FBXW7: variants seen among roughly 807,000 people sequenced by gnomAD.
FBXW7 encodes the protein F-box/WD repeat-containing protein 7.
Under a neutral mutation model 86.3 loss-of-function variants are expected in FBXW7, and 11 were observed. The ratio of observed to expected loss-of-function variants is 0.13; its 90% confidence interval spans 0.08 to 0.21. The LOEUF (loss-of-function observed/expected upper bound fraction) is 0.21, where lower values mean the gene tolerates loss of function less well. FBXW7 is among the 10% of genes least tolerant of loss of function. The pLI is 1.00. For synonymous variants in FBXW7, 313 were observed against 297.9 expected, an observed-to-expected ratio of 1.05 and a Z score of -0.52; for missense variants, 488 against 847.4, an observed-to-expected ratio of 0.58 and a Z score of 5.27.
In FBXW7 at chr4:152,329,556, T is replaced by C. The variant is rs141147074; in HGVS notation, c.1236+116A>G. 1.7e-3 allele frequency: 881 copies of C among 518,792 alleles called. 10 individuals carry two copies. Among genetic ancestry groups the C allele is most frequent in the African/African-American group, 0.016 (783 of 50,002 alleles). 32.1% of individuals were successfully genotyped at this position (518,792 alleles called of 1,614,324 possible). On this transcript the variant is annotated intron_variant, in intron 10 of 13. Transcript: ENST00000281708. ...AAGCTAAGTTATGAGCTCTGATATT[T>C]GCTATCCAAATAACTAAGAATCAAA...
chr4:152,321,510 G>A lies in FBXW7; in HGVS notation c.*1371C>T. On this transcript the variant is annotated 3_prime_UTR_variant, in exon 14 of 14. Coordinates refer to ENST00000281708, the MANE Select transcript of FBXW7 (RefSeq NM_001349798.2). Reference sequence around the variant, plus strand: ...TTAAACCACTTTCACAGTTCAGCTTGAGTTGTGGCTCTTGGAGAATGAGGC... The same window carrying A: ...TTAAACCACTTTCACAGTTCAGCTTAAGTTGTGGCTCTTGGAGAATGAGGC... The A allele has an allele frequency of 4.3e-6, 1 of 233,172 alleles. No homozygotes were observed. Among genetic ancestry groups the A allele is most frequent in the Non-Finnish European group, 8.5e-6 (1 of 117,718 alleles). 14.4% of individuals were successfully genotyped at this position (233,172 alleles called of 1,614,324 possible).
chr4:152,448,429 T>G (rs1454180897), intron 2 of FBXW7, among the ~76,000 whole-genome samples: 1 of 152,228 alleles, frequency 6.6e-6, no homozygotes, highest in Non-Finnish European at 1.5e-5. Context: ...ATATTTTTAT[T>G]TGAAATAAAT....
intron 4 of FBXW7, among the ~76,000 whole-genome samples, chr4:152,354,845 C>G (rs1043091555): frequency 1.2e-4 from 19 of 152,042 alleles, no homozygotes; most frequent in African/African-American, 4.6e-4. Flanking sequence ...AAATGATATA[C>G]AAAAAATTCT....
intron 5 of FBXW7, among the ~76,000 whole-genome samples, chr4:152,349,224 T>G (rs1731563437): frequency 1.3e-5 from 2 of 151,936 alleles, no homozygotes; most frequent in South Asian, 4.1e-4. Flanking sequence ...AGAAATGTCA[T>G]AACCATGAAG....
At chr4:152,479,668 C>T (rs1256979737) in intron 2 of FBXW7, among the ~76,000 whole-genome samples, 1 of 152,202 alleles carries the variant, frequency 6.6e-6, no homozygotes, top group East Asian at 1.9e-4. Context: ...AAACATTAGG[C>T]AAGAATACAC....
intron 6 of FBXW7, among the ~76,000 whole-genome samples, chr4:152,345,532 G>C (rs1001494576): frequency 6.6e-6 from 1 of 151,864 alleles, no homozygotes; most frequent in Non-Finnish European, 1.5e-5. Context: ...CTACTTACTA[G>C]ATGCCAGCAG....
intron 2 of FBXW7, among the ~76,000 whole-genome samples, chr4:152,513,376 CT>C (rs1306891214): frequency 6.6e-6 from 1 of 152,058 alleles, no homozygotes; most frequent in African/African-American, 2.4e-5. Flanking sequence ...ATTGTTAACC[CT>C]AATCCAGGGA....
At chr4:152,389,933 A>G (rs1040202486) in intron 4 of FBXW7, among the ~76,000 whole-genome samples, 1 of 152,084 alleles carries the variant, frequency 6.6e-6, no homozygotes, top group African/African-American at 2.4e-5. Context: ...CTTTTACAAA[A>G]GGCATGTATG....
intron 2 of FBXW7, among the ~76,000 whole-genome samples, chr4:152,503,763 T>C (rs1406880840): frequency 6.6e-6 from 1 of 152,242 alleles, no homozygotes; most frequent in Non-Finnish European, 1.5e-5. Flanking sequence ...GCTCCAGCTA[T>C]GTTAGGAATT....
intron 4 of FBXW7, among the ~76,000 whole-genome samples, chr4:152,392,257 C>G (rs1228551316): frequency 1.3e-5 from 2 of 152,056 alleles, no homozygotes; most frequent in African/African-American, 4.8e-5. Flanking sequence ...ACCTTTGTGA[C>G]TGTTTGGACC....
At chr4:152,346,653 C>G (rs1388412695) in intron 6 of FBXW7, among the ~76,000 whole-genome samples, 1 of 152,182 alleles carries the variant, frequency 6.6e-6, no homozygotes, top group African/African-American at 2.4e-5. Context: ...AAAGGACAAT[C>G]TGTACCTACT....
chr4:152,386,179 A>G lies in FBXW7; in HGVS notation c.501+25124T>C, dbSNP rs577120219. ...AAAGATACTCTTTAATTACTACCCA[A>G]ATTGAGACTCTTAAAAACAGACAAG... On this transcript the variant is annotated intron_variant, in intron 4 of 13. Coordinates refer to ENST00000281708, the MANE Select transcript of FBXW7 (RefSeq NM_001349798.2). Among the ~76,000 whole-genome samples, 5 of 152,168 alleles carry G rather than the reference A, an allele frequency of 3.3e-5. No individual in the cohort carries two copies. The East Asian group carries it at 9.6e-4, about 29-fold the overall frequency.
intron 2 of FBXW7, among the ~76,000 whole-genome samples, chr4:152,519,654 C>A (rs558484289): frequency 4.6e-5 from 7 of 152,186 alleles, no homozygotes; most frequent in Non-Finnish European, 8.8e-5. Context: ...ATTCAAATGA[C>A]GGACTTCAAT....
At chr4:152,505,705 G>C (rs1302110264) in intron 2 of FBXW7, among the ~76,000 whole-genome samples, 2 of 151,050 alleles carry the variant, frequency 1.3e-5, no homozygotes, top group East Asian at 1.9e-4. Context: ...CTGCCTTCTG[G>C]AACACCTCCT....
chr4:152,457,776 G>A (rs1461783859), intron 2 of FBXW7, among the ~76,000 whole-genome samples: 1 of 151,546 alleles, frequency 6.6e-6, no homozygotes, highest in African/African-American at 2.4e-5. Context: ...CAAACAGTCT[G>A]GAGACAAAGT....
chr4:152,448,052 C>CCA (rs1741572184), intron 2 of FBXW7, among the ~76,000 whole-genome samples: 1 of 152,216 alleles, frequency 6.6e-6, no homozygotes, highest in South Asian at 2.1e-4. Context: ...CATAAAGTTA[C>CCA]TGAGGCTACT....
chr4:152,335,472 A>G (rs1350125611), intron 7 of FBXW7, among the ~76,000 whole-genome samples: 1 of 152,200 alleles, frequency 6.6e-6, no homozygotes. Context: ...TTGTCTGTCC[A>G]ACCGCTATGG....
chr4:152,352,585 C>A (rs2126662359), intron 4 of FBXW7: 1 of 1,613,870 alleles, frequency 6.2e-7, no homozygotes, highest in Non-Finnish European at 8.5e-7. Context: ...ACAATATAAA[C>A]CTTTTTCAGG....
At chr4:152,364,569 A>G (rs1384237488) in intron 4 of FBXW7, among the ~76,000 whole-genome samples, 2 of 152,190 alleles carry the variant, frequency 1.3e-5, no homozygotes, top group Non-Finnish European at 2.9e-5. Context: ...TTTTTAGTAC[A>G]CAGCCTAAAA....
Sources: allele counts gnomAD v4.1 joint callset (sites outside exome capture counted in the v4.1 genomes callset), GRCh38; gene constraint gnomAD v4.1.1; transcripts MANE v1.5; gene names NCBI Gene and HGNC (gene_info 2026-07-23, HGNC 2026-07-21).